The following CDH13 variants were observed in gnomAD, a reference collection of about 807,000 sequenced individuals.
CDH13 encodes the protein cadherin-13.
Under a neutral mutation model 63.8 loss-of-function variants are expected in CDH13, and 24 were observed. The observed-to-expected ratio is 0.38, with a 90% CI of 0.27 to 0.53. The LOEUF (loss-of-function observed/expected upper bound fraction) is 0.53, where lower values mean the gene tolerates loss of function less well. CDH13 is among the 20% of genes least tolerant of loss of function. CDH13 has a pLI of 0.85. For synonymous variants in CDH13, 503 were observed against 355.3 expected (o/e 1.42, Z -4.67); for missense variants, 1,049 against 903.1 (o/e 1.16, Z -2.07).
chr16:83,231,969 A>T, intron 5 of CDH13, among the ~76,000 whole-genome samples: 1 of 152,170 alleles, frequency 6.6e-6, no homozygotes, highest in East Asian at 1.9e-4. Context: ...ACACAGAAAC[A>T]GAAAACCAAA....
At chr16:83,609,490 C>T (rs1314814365) in intron 8 of CDH13, among the ~76,000 whole-genome samples, 1 of 152,160 alleles carries the variant, frequency 6.6e-6, no homozygotes, top group Non-Finnish European at 1.5e-5. Flanking sequence ...AAGATCAAAT[C>T]GGCAAGAATT....
At chr16:83,193,980 CGAG>C in intron 4 of CDH13, among the ~76,000 whole-genome samples, 1 of 152,296 alleles carries the variant, frequency 6.6e-6, no homozygotes, top group South Asian at 2.1e-4. Context: ...CCCCACAATA[CGAG>C]GAGGGAAGAG....
At chr16:82,781,255 T>C (rs758001902) in intron 1 of CDH13, among the ~76,000 whole-genome samples, 2 of 152,344 alleles carry the variant, frequency 1.3e-5, no homozygotes, top group South Asian at 2.1e-4. Flanking sequence ...CCAATTGGCC[T>C]ATAGCTTGAA....
chr16:82,857,678 G>T (rs1363341833), intron 1 of CDH13, among the ~76,000 whole-genome samples: 2 of 152,148 alleles, frequency 1.3e-5, no homozygotes, highest in Non-Finnish European at 2.9e-5. Flanking sequence ...AAAGGAATAA[G>T]AAACTGGTGA....
chr16:83,072,687 G>C (rs1460446830), intron 3 of CDH13, among the ~76,000 whole-genome samples: 1 of 152,118 alleles, frequency 6.6e-6, no homozygotes, highest in Admixed American at 6.6e-5. Context: ...AGCTTGATCT[G>C]TGCATGGAGC....
intron 1 of CDH13, among the ~76,000 whole-genome samples, chr16:82,782,833 T>A (rs746790050): frequency 1.2e-4 from 18 of 152,076 alleles, no homozygotes; most frequent in Admixed American, 4.6e-4. Context: ...CAGCTCCAAG[T>A]TCCTGGCACT....
chr16:83,508,720 T>C (rs369064261), intron 7 of CDH13, among the ~76,000 whole-genome samples: 1 of 152,218 alleles, frequency 6.6e-6, no homozygotes. Flanking sequence ...CTCTTTTACA[T>C]ATTCTGTCTC....
At chr16:82,705,100 G>A (rs2031379157) in intron 1 of CDH13, 1 of 455,650 alleles carries the variant, frequency 2.2e-6, no homozygotes, top group African/African-American at 2.0e-5. Flanking sequence ...GTCAAAACCT[G>A]CAATTTATCA....
chr16:82,797,882 A>G lies in CDH13; in HGVS notation c.46-60480A>G, dbSNP rs185062709. On this transcript the variant is annotated intron_variant, in intron 1 of 13. Coordinates refer to ENST00000567109, the MANE Select transcript of CDH13 (RefSeq NM_001257.5). ...AGATCTGATGCTTAATAAGACAGAA[A>G]GACACCACAGCCTTCTCAGAAGACC... Among the ~76,000 whole-genome samples the G allele has an allele frequency of 5.3e-3, 810 of 152,136 alleles. 1 individual carries two copies. Among genetic ancestry groups the G allele is most frequent in the African/African-American group, 0.018 (767 of 41,490 alleles).
chr16:83,326,363 C>T (rs1344798323), intron 5 of CDH13, among the ~76,000 whole-genome samples: 5 of 151,680 alleles, frequency 3.3e-5, no homozygotes, highest in African/African-American at 1.2e-4. Context: ...TCATTAGTAT[C>T]TCAAGGATTG....
chr16:83,534,654 C>T (rs2075149414), intron 7 of CDH13, among the ~76,000 whole-genome samples: 2 of 152,292 alleles, frequency 1.3e-5, no homozygotes, highest in South Asian at 2.1e-4. Flanking sequence ...CAGAGGTCAG[C>T]ACTTCTTTTC....
intron 7 of CDH13, among the ~76,000 whole-genome samples, chr16:83,582,431 C>A (rs1905704658): frequency 6.6e-6 from 1 of 152,018 alleles, no homozygotes; most frequent in African/African-American, 2.4e-5. Context: ...AGACACTGTG[C>A]CTTTCAAAAT....
At chr16:83,449,074 T>C (rs140151070) in intron 6 of CDH13, among the ~76,000 whole-genome samples, 2,161 of 152,252 alleles carry the variant, frequency 0.014, 54 homozygotes, top group African/African-American at 0.049. Context: ...TCAAGGGCAA[T>C]GTGTGTATGA....
At chr16:83,452,146 T>A (rs2072902888) in intron 6 of CDH13, among the ~76,000 whole-genome samples, 1 of 152,188 alleles carries the variant, frequency 6.6e-6, no homozygotes, top group Non-Finnish European at 1.5e-5. Context: ...ATGATTAATC[T>A]CAAGACTGGA....
At chr16:83,013,155 T>C (rs940768694) in intron 2 of CDH13, among the ~76,000 whole-genome samples, 3 of 152,236 alleles carry the variant, frequency 2.0e-5, no homozygotes, top group Non-Finnish European at 4.4e-5. Context: ...TATTTAAGGC[T>C]TATGAGCGAG....
chr16:83,787,722 C>T (rs1915980639), intron 13 of CDH13, among the ~76,000 whole-genome samples: 1 of 152,158 alleles, frequency 6.6e-6, no homozygotes. Context: ...GCAGGCAGAT[C>T]ACTTGAGGTC....
At chr16:83,623,391 T>A (rs1195565789) in intron 8 of CDH13, among the ~76,000 whole-genome samples, 1 of 152,184 alleles carries the variant, frequency 6.6e-6, no homozygotes, top group Non-Finnish European at 1.5e-5. Flanking sequence ...CAGCATGCAC[T>A]ATCGGCTTTA....
chr16:82,955,595 G>C (rs1270847344), intron 2 of CDH13, among the ~76,000 whole-genome samples: 1 of 151,966 alleles, frequency 6.6e-6, no homozygotes, highest in African/African-American at 2.4e-5. Flanking sequence ...ATTCGTTTTT[G>C]TTTTTATTTG....
At chr16:82,823,951 A>G (rs535096405) in intron 1 of CDH13, 57 of 152,340 alleles carry the variant, frequency 3.7e-4, no homozygotes, top group African/African-American at 1.2e-3. Flanking sequence ...CTTCCTTAGC[A>G]AATAGATTAT....
Sources: gnomAD v4.1 joint callset for allele counts (sites outside exome capture counted in the v4.1 genomes callset) on GRCh38, gnomAD v4.1.1 for gene constraint, MANE v1.5 for transcripts, NCBI Gene and HGNC (gene_info 2026-07-23, HGNC 2026-07-21) for gene names.